The following DPP10 variants were observed in gnomAD, a reference collection of about 807,000 sequenced individuals.
DPP10 encodes dipeptidyl peptidase like 10.
Under a neutral mutation model 120.9 loss-of-function variants are expected in DPP10, and 33 were observed. That is an observed-to-expected ratio of 0.27 (90% CI 0.21 to 0.37). DPP10 has a LOEUF of 0.37. DPP10 is among the 10% of genes least tolerant of loss of function. The pLI is 1.00. For missense variants in DPP10, 816 were observed against 942.8 expected (o/e 0.87, Z 1.76); for synonymous variants, 337 against 326.1 (o/e 1.03, Z -0.36).
At chr2:115,010,548 GTA>G (rs908421823) in intron 1 of DPP10, among the ~76,000 whole-genome samples, 2 of 151,742 alleles carry the variant, frequency 1.3e-5, no homozygotes, top group South Asian at 2.1e-4. Flanking sequence ...ATATGTATGT[GTA>G]TATATATATA....
rs77866555 is a variant in DPP10 at position 114,851,453 on chromosome 2, G to A, written c.60+408615G>A. 3.9e-3 allele frequency among the ~76,000 whole-genome samples: 590 copies of A among 152,114 alleles called. 3 individuals are homozygous for A. The highest frequency in any genetic ancestry group is 0.014 in the African/African-American group (571 of 41,486). Reference sequence around the variant, plus strand: ...CAAGTATTGTCATTCCATTTTATAGGAGCTATTTGCATTTTGGATTGCTAA... The same window carrying A: ...CAAGTATTGTCATTCCATTTTATAGAAGCTATTTGCATTTTGGATTGCTAA... On this transcript the variant is annotated intron_variant, in intron 1 of 25. Transcript: ENST00000410059.
At chr2:115,695,335 A>G (rs555754460) in intron 7 of DPP10, among the ~76,000 whole-genome samples, 4 of 152,306 alleles carry the variant, frequency 2.6e-5, no homozygotes, top group East Asian at 1.9e-4. Context: ...GGAAATGGGA[A>G]TGTATTAGTC....
intron 5 of DPP10, among the ~76,000 whole-genome samples, chr2:115,599,464 T>A (rs1163094434): frequency 6.6e-6 from 1 of 152,218 alleles, no homozygotes; most frequent in African/African-American, 2.4e-5. Flanking sequence ...CTTATTAAGC[T>A]TACTCAGTGA....
intron 1 of DPP10, among the ~76,000 whole-genome samples, chr2:114,544,989 T>G (rs1687263381): frequency 6.6e-6 from 1 of 151,848 alleles, no homozygotes; most frequent in Non-Finnish European, 1.5e-5. Flanking sequence ...GTAGCTGGGA[T>G]TACAGGCGCC....
intron 1 of DPP10, among the ~76,000 whole-genome samples, chr2:115,102,567 C>T (rs1289240303): frequency 2.0e-5 from 3 of 152,038 alleles, no homozygotes; most frequent in Non-Finnish European, 2.9e-5. Flanking sequence ...CCTGCCACCA[C>T]GCCCGGCTAA....
At chr2:114,533,421 A>G (rs1686208854) in intron 1 of DPP10, among the ~76,000 whole-genome samples, 1 of 152,144 alleles carries the variant, frequency 6.6e-6, no homozygotes, top group Admixed American at 6.5e-5. Context: ...ATGAGAACAC[A>G]TGGACACAGG....
At chr2:114,960,106 C>G (rs1698500135) in intron 1 of DPP10, among the ~76,000 whole-genome samples, 1 of 152,130 alleles carries the variant, frequency 6.6e-6, no homozygotes, top group Non-Finnish European at 1.5e-5. Context: ...GATAATATAA[C>G]TTACTGATAC....
chr2:115,174,916 G>A (rs2105090750), intron 1 of DPP10, among the ~76,000 whole-genome samples: 1 of 152,304 alleles, frequency 6.6e-6, no homozygotes, highest in South Asian at 2.1e-4. Flanking sequence ...AATTGATGCA[G>A]GTGTCTATGA....
At chr2:114,478,340 G>C (rs1324335137) in intron 1 of DPP10, among the ~76,000 whole-genome samples, 1 of 151,966 alleles carries the variant, frequency 6.6e-6, no homozygotes, top group Non-Finnish European at 1.5e-5. Context: ...AGTTTACCTA[G>C]AAAAATAATT....
intron 1 of DPP10, among the ~76,000 whole-genome samples, chr2:115,215,524 A>C (rs2056767421): frequency 6.6e-6 from 1 of 152,190 alleles, no homozygotes; most frequent in East Asian, 1.9e-4. Flanking sequence ...GAAGTGGGCA[A>C]AGATGTGGAG....
intron 1 of DPP10, among the ~76,000 whole-genome samples, chr2:114,624,368 G>A (rs549379649): frequency 2.0e-4 from 31 of 151,986 alleles, no homozygotes; most frequent in Admixed American, 1.6e-3. Flanking sequence ...GGGCATAGGG[G>A]ATAATCAAAT....
At chr2:115,495,365 GAAAAA>G (rs3039998) in intron 3 of DPP10, among the ~76,000 whole-genome samples, 27 of 82,234 alleles carry the variant, frequency 3.3e-4, no homozygotes, top group African/African-American at 1.2e-3. Flanking sequence ...GCCATTTTCT[GAAAAA>G]AAAAAAAAAA....
chr2:114,487,979 G>A (rs377422916), intron 1 of DPP10, among the ~76,000 whole-genome samples: 2 of 152,212 alleles, frequency 1.3e-5, no homozygotes. Context: ...TCACAGAGCA[G>A]TGGAGGTGAT....
At chr2:114,947,974 A>G (rs1022562637) in intron 1 of DPP10, among the ~76,000 whole-genome samples, 2 of 151,962 alleles carry the variant, frequency 1.3e-5, no homozygotes, top group African/African-American at 2.4e-5. Flanking sequence ...AAGATCTTAT[A>G]GCTCTCTTTA....
chr2:114,661,963 G>A (rs1295113094), intron 1 of DPP10, among the ~76,000 whole-genome samples: 1 of 151,270 alleles, frequency 6.6e-6, no homozygotes, highest in Non-Finnish European at 1.5e-5. Flanking sequence ...CCGGGATCGC[G>A]CCGTTGCACT....
chr2:115,369,002 ATTTAC>A (rs1353903097), intron 3 of DPP10, among the ~76,000 whole-genome samples: 2 of 151,882 alleles, frequency 1.3e-5, no homozygotes, highest in Non-Finnish European at 2.9e-5. Context: ...TAATAATATA[ATTTAC>A]TTTAAGTAAA....
At chr2:114,520,139 T>C (rs927127232) in intron 1 of DPP10, among the ~76,000 whole-genome samples, 11 of 152,266 alleles carry the variant, frequency 7.2e-5, no homozygotes, top group African/African-American at 2.7e-4. Flanking sequence ...TAATAATATT[T>C]ATGGATGACA....
intron 1 of DPP10, among the ~76,000 whole-genome samples, chr2:114,765,619 A>G (rs1039588757): frequency 5.3e-5 from 8 of 152,218 alleles, no homozygotes; most frequent in Admixed American, 5.2e-4. Context: ...AACTTTTCTG[A>G]TATTTCAAAA....
chr2:115,454,045 T>A (rs2073332314), intron 3 of DPP10, among the ~76,000 whole-genome samples: 2 of 151,302 alleles, frequency 1.3e-5, no homozygotes, highest in South Asian at 2.1e-4. Context: ...AATTTGAGAG[T>A]ATGAATAAAA....
Sources: allele counts gnomAD v4.1 joint callset (sites outside exome capture counted in the v4.1 genomes callset), GRCh38; gene constraint gnomAD v4.1.1; transcripts MANE v1.5; gene names NCBI Gene and HGNC (gene_info 2026-07-23, HGNC 2026-07-21).